The following NKAIN2 variants were observed in gnomAD, a reference collection of about 807,000 sequenced individuals.
NKAIN2 encodes sodium/potassium transporting ATPase interacting 2, also known as sodium/potassium-transporting ATPase subunit beta-1-interacting protein 2.
Under a neutral mutation model 32.6 loss-of-function variants are expected in NKAIN2, and 14 were observed. The ratio of observed to expected loss-of-function variants is 0.43; its 90% CI spans 0.28 to 0.67. The LOEUF (loss-of-function observed/expected upper bound fraction) is 0.67, where lower values mean the gene tolerates loss of function less well. NKAIN2 is among the 30% of genes least tolerant of loss of function. The pLI, the probability that NKAIN2 is intolerant of heterozygous loss-of-function variation, is 0.17. For missense variants in NKAIN2, 198 were observed against 258.3 expected, an observed-to-expected ratio of 0.77 and a Z score of 1.60; for synonymous variants, 80 against 87.2, an observed-to-expected ratio of 0.92 and a Z score of 0.46.
At chr6:124,062,188 A>C (rs557495684) in intron 1 of NKAIN2, among the ~76,000 whole-genome samples, 1 of 152,164 alleles carries the variant, frequency 6.6e-6, no homozygotes. Flanking sequence ...TATGGCCTAC[A>C]TTGTTTTGTA....
intron 1 of NKAIN2, among the ~76,000 whole-genome samples, chr6:124,096,356 A>G (rs1784644774): frequency 6.6e-6 from 1 of 152,188 alleles, no homozygotes; most frequent in Non-Finnish European, 1.5e-5. Flanking sequence ...GGATACATAC[A>G]TGGACATCCC....
At chr6:124,552,679 G>A (rs1319541748) in intron 3 of NKAIN2, among the ~76,000 whole-genome samples, 1 of 152,154 alleles carries the variant, frequency 6.6e-6, no homozygotes. Flanking sequence ...TCTTTTCAAT[G>A]TCTGCTTGTT....
intron 4 of NKAIN2, among the ~76,000 whole-genome samples, chr6:124,659,326 T>C (rs2114430709): frequency 6.6e-6 from 1 of 152,264 alleles, no homozygotes; most frequent in South Asian, 2.1e-4. Context: ...TTGGAAATGA[T>C]ATTGACTCAC....
At chr6:124,335,102 C>T (rs919453451) in intron 2 of NKAIN2, among the ~76,000 whole-genome samples, 3 of 150,574 alleles carry the variant, frequency 2.0e-5, no homozygotes, top group African/African-American at 7.4e-5. Context: ...TGGTAAATGC[C>T]TATCCTGTCA....
At chr6:124,235,578 T>C (rs1792703997) in intron 1 of NKAIN2, among the ~76,000 whole-genome samples, 1 of 144,034 alleles carries the variant, frequency 6.9e-6, no homozygotes, top group African/African-American at 2.5e-5. Flanking sequence ...AGTAAAATTT[T>C]AGTTTTGTTT....
chr6:124,269,420 C>G (rs949590575), intron 1 of NKAIN2, among the ~76,000 whole-genome samples: 1 of 150,414 alleles, frequency 6.6e-6, no homozygotes, highest in Non-Finnish European at 1.5e-5. Context: ...GTTCTGGTGG[C>G]AATTTCTTTT....
chr6:124,320,470 A>T (rs72963891), intron 2 of NKAIN2, among the ~76,000 whole-genome samples: 8,918 of 152,216 alleles, frequency 0.059, 439 homozygotes, highest in East Asian at 0.23. Flanking sequence ...AATTAGAATG[A>T]AGTTTTTTTC....
chr6:124,741,801 G>A (rs1048512812), intron 4 of NKAIN2, among the ~76,000 whole-genome samples: 3 of 151,656 alleles, frequency 2.0e-5, no homozygotes, highest in Non-Finnish European at 4.4e-5. Flanking sequence ...CCTCATCATG[G>A]GTTTCAATGT....
intron 2 of NKAIN2, among the ~76,000 whole-genome samples, chr6:124,345,844 T>C (rs907582309): frequency 5.3e-5 from 8 of 152,164 alleles, no homozygotes; most frequent in Non-Finnish European, 1.2e-4. Context: ...TTCAGTTGTG[T>C]TCTGATTTTA....
At chr6:123,917,060 A>G (rs972761710) in intron 1 of NKAIN2, among the ~76,000 whole-genome samples, 21 of 152,174 alleles carry the variant, frequency 1.4e-4, no homozygotes, top group African/African-American at 4.8e-4. Flanking sequence ...GCGCACCACC[A>G]TAAATTAGAA....
chr6:124,274,845 A>T (rs1794954264), intron 1 of NKAIN2, among the ~76,000 whole-genome samples: 1 of 152,078 alleles, frequency 6.6e-6, no homozygotes, highest in Admixed American at 6.6e-5. Flanking sequence ...AAACACTAAA[A>T]AAACCCTATT....
chr6:124,668,012 C>G (rs1012582516), intron 4 of NKAIN2, among the ~76,000 whole-genome samples: 2 of 152,174 alleles, frequency 1.3e-5, no homozygotes, highest in Non-Finnish European at 1.5e-5. Context: ...GCCTTTTCCT[C>G]TCCTCATGGC....
intron 1 of NKAIN2, among the ~76,000 whole-genome samples, chr6:123,845,500 G>T (rs1421920422): frequency 6.6e-6 from 1 of 152,136 alleles, no homozygotes; most frequent in South Asian, 2.1e-4. Flanking sequence ...TATAATTTGG[G>T]TTTCTCTTCA....
At chr6:124,536,056 A>C (rs1334993850) in intron 3 of NKAIN2, among the ~76,000 whole-genome samples, 2 of 152,240 alleles carry the variant, frequency 1.3e-5, no homozygotes, top group Non-Finnish European at 2.9e-5. Context: ...GGAGCCACGC[A>C]GAAGAGGCCA....
At chr6:124,587,794 G>T (rs1781762979) in intron 3 of NKAIN2, among the ~76,000 whole-genome samples, 1 of 152,212 alleles carries the variant, frequency 6.6e-6, no homozygotes, top group Non-Finnish European at 1.5e-5. Flanking sequence ...TCCGTCAGAG[G>T]AGTAGTGGTG....
rs115393938 is a variant in NKAIN2, at chr6:124,559,334, A to G, written c.274-98852A>G. ...CTCAGGGGTTTTGAGAGTGTGTAGC[A>G]GGGCTTTTAGCTGAGTTTTGAGTGG... On this transcript the variant is annotated intron_variant, in intron 3 of 6. Transcript: ENST00000368417. Among the ~76,000 whole-genome samples, 1,227 of 152,274 alleles carry G rather than the reference A, an allele frequency of 8.1e-3. 22 individuals carry two copies. Among genetic ancestry groups the G allele is most frequent in the African/African-American group, 0.028 (1,182 of 41,566 alleles).
intron 4 of NKAIN2, among the ~76,000 whole-genome samples, chr6:124,780,118 A>G (rs987944098): frequency 1.2e-4 from 18 of 152,192 alleles, no homozygotes; most frequent in Non-Finnish European, 7.3e-5. Flanking sequence ...ATGAAGTTCA[A>G]GACCCAGCAA....
chr6:124,549,018 C>A (rs968107695), intron 3 of NKAIN2, among the ~76,000 whole-genome samples: 4 of 152,080 alleles, frequency 2.6e-5, no homozygotes, highest in Admixed American at 6.6e-5. Context: ...AAACCACAGA[C>A]AACTCTTTTG....
At chr6:124,685,570 G>A (rs930701640) in intron 4 of NKAIN2, among the ~76,000 whole-genome samples, 1 of 152,138 alleles carries the variant, frequency 6.6e-6, no homozygotes, top group Non-Finnish European at 1.5e-5. Flanking sequence ...TTATCTTTGT[G>A]TCTAGCACAC....
Sources: gnomAD v4.1 joint callset for allele counts (sites outside exome capture counted in the v4.1 genomes callset) on GRCh38, gnomAD v4.1.1 for gene constraint, MANE v1.5 for transcripts, NCBI Gene and HGNC (gene_info 2026-07-23, HGNC 2026-07-21) for gene names.